The following AGBL4 variants were observed in gnomAD, a reference collection of about 807,000 sequenced individuals.
AGBL4 encodes the protein cytosolic carboxypeptidase 6.
A neutral mutation model predicts 66.4 loss-of-function variants in AGBL4; 58 were observed. The ratio of observed to expected loss-of-function variants is 0.87; its 90% confidence interval spans 0.71 to 1.09. AGBL4 has a LOEUF of 1.09. Among genes scored for constraint, AGBL4 ranks in the 50% least tolerant of loss-of-function variants. AGBL4 has a pLI of 0.00. For synonymous variants in AGBL4, 234 were observed against 222.9 expected, an observed-to-expected ratio of 1.05 and a Z score of -0.44; for missense variants, 579 against 631.0, an observed-to-expected ratio of 0.92 and a Z score of 0.88.
At chr1:49,894,731 A>G (rs935589111) in intron 1 of AGBL4, among the ~76,000 whole-genome samples, 1 of 152,178 alleles carries the variant, frequency 6.6e-6, no homozygotes, top group Non-Finnish European at 1.5e-5. Flanking sequence ...GATACAAAAG[A>G]AAAAAGAATA....
intron 11 of AGBL4, among the ~76,000 whole-genome samples, chr1:48,559,542 C>G (rs905837069): frequency 3.9e-5 from 6 of 152,318 alleles, no homozygotes; most frequent in African/African-American, 1.4e-4. Context: ...CAAGGATACA[C>G]AGACCTACTT....
At chr1:48,863,837 G>A (rs1277408406) in intron 6 of AGBL4, among the ~76,000 whole-genome samples, 2 of 152,024 alleles carry the variant, frequency 1.3e-5, no homozygotes, top group African/African-American at 4.8e-5. Context: ...CACAAAACTT[G>A]AGAAATTTTA....
chr1:49,274,441 C>T (rs754648279), intron 3 of AGBL4, among the ~76,000 whole-genome samples: 20 of 152,014 alleles, frequency 1.3e-4, no homozygotes, highest in Non-Finnish European at 2.5e-4. Context: ...AGATTACTAA[C>T]ATACTGATGT....
intron 3 of AGBL4, among the ~76,000 whole-genome samples, chr1:49,281,259 A>G (rs952549739): frequency 1.3e-5 from 2 of 152,234 alleles, no homozygotes; most frequent in African/African-American, 4.8e-5. Flanking sequence ...CAAAAAGAGT[A>G]CGAAAAAATT....
intron 3 of AGBL4, among the ~76,000 whole-genome samples, chr1:49,267,307 A>C (rs1643943764): frequency 6.6e-6 from 1 of 152,184 alleles, no homozygotes; most frequent in Admixed American, 6.5e-5. Flanking sequence ...AATCCTTCAC[A>C]TCTTTTGTAA....
At chr1:49,595,557 C>T (rs1211726902) in intron 3 of AGBL4, among the ~76,000 whole-genome samples, 1 of 151,322 alleles carries the variant, frequency 6.6e-6, no homozygotes, top group Non-Finnish European at 1.5e-5. Context: ...GGAAACATTG[C>T]TGTAGGGCTT....
chr1:48,574,506 TA>T (rs1043553398), intron 11 of AGBL4, among the ~76,000 whole-genome samples: 5 of 151,962 alleles, frequency 3.3e-5, no homozygotes, highest in African/African-American at 9.7e-5. Flanking sequence ...ATAAATACCA[TA>T]AAAATATGTA....
At chr1:49,947,065 A>T (rs1423283987) in intron 1 of AGBL4, among the ~76,000 whole-genome samples, 3 of 151,094 alleles carry the variant, frequency 2.0e-5, no homozygotes, top group African/African-American at 7.3e-5. Flanking sequence ...TGGTAATTAA[A>T]AAAAAAAGTT....
chr1:49,498,240 ATTTG>A (rs780279443), intron 3 of AGBL4, among the ~76,000 whole-genome samples: 1 of 151,932 alleles, frequency 6.6e-6, no homozygotes, highest in Non-Finnish European at 1.5e-5. Flanking sequence ...ACTCTACTGA[ATTTG>A]TTTATCAGAC....
chr1:48,700,314 G>C (rs1349508472), intron 6 of AGBL4, among the ~76,000 whole-genome samples: 2 of 152,196 alleles, frequency 1.3e-5, no homozygotes, highest in African/African-American at 2.4e-5. Flanking sequence ...ACAGTATCCT[G>C]TCCATGATGC....
chr1:49,076,202 G>A (rs1394707940), intron 4 of AGBL4, among the ~76,000 whole-genome samples: 1 of 152,018 alleles, frequency 6.6e-6, no homozygotes, highest in African/African-American at 2.4e-5. Context: ...GTATCTGTAG[G>A]GGATATGTTC....
At chr1:49,620,036 A>T (rs1006542698) in intron 3 of AGBL4, among the ~76,000 whole-genome samples, 3 of 152,214 alleles carry the variant, frequency 2.0e-5, no homozygotes, top group African/African-American at 7.2e-5. Context: ...ACACCTAGGC[A>T]ATACCATTCA....
In AGBL4 at chr1:49,767,802, GA is replaced by G. The variant is rs563619004; in HGVS notation, c.158-70366del. On this transcript the variant is annotated intron_variant, in intron 2 of 13. Coordinates refer to ENST00000371839, the MANE Select transcript of AGBL4 (RefSeq NM_032785.4). ...CAAAGAAATTAAAAAAAGACCCTCAGATACTATTATAAACATCTCTATGCAA... is the reference window on the plus strand; with the variant it reads ...CAAAGAAATTAAAAAAAGACCCTCAGTACTATTATAAACATCTCTATGCAA... Among the ~76,000 whole-genome samples the G allele has an allele frequency of 1.7e-3, 251 of 151,996 alleles. 1 individual carries two copies. Among genetic ancestry groups the G allele is most frequent in the Middle Eastern group, 0.01 (3 of 294 alleles).
intron 6 of AGBL4, among the ~76,000 whole-genome samples, chr1:48,766,366 C>T (rs1360804795): frequency 6.6e-6 from 1 of 152,148 alleles, no homozygotes; most frequent in Non-Finnish European, 1.5e-5. Context: ...CATGGTAGAG[C>T]CAGAATAAAT....
chr1:49,155,195 A>G (rs901203923), intron 4 of AGBL4, among the ~76,000 whole-genome samples: 1 of 152,170 alleles, frequency 6.6e-6, no homozygotes, highest in African/African-American at 2.4e-5. Flanking sequence ...ATAACCTCCA[A>G]TGTAGATAAT....
At chr1:48,848,132 C>T (rs138506528) in intron 6 of AGBL4, among the ~76,000 whole-genome samples, 1 of 152,196 alleles carries the variant, frequency 6.6e-6, no homozygotes, top group South Asian at 2.1e-4. Context: ...CCAGGGGACA[C>T]TGAGAAATCA....
At chr1:49,961,255 T>G (rs1435535144) in intron 1 of AGBL4, among the ~76,000 whole-genome samples, 1 of 152,124 alleles carries the variant, frequency 6.6e-6, no homozygotes, top group African/African-American at 2.4e-5. Context: ...ATGCTTGTAT[T>G]CCCAGCACTT....
At chr1:49,692,932 G>C (rs1321931985) in intron 3 of AGBL4, among the ~76,000 whole-genome samples, 1 of 152,104 alleles carries the variant, frequency 6.6e-6, no homozygotes, top group East Asian at 1.9e-4. Flanking sequence ...GGTAAAACAG[G>C]ATTGATGAAT....
At chr1:49,765,566 A>T (rs540557712) in intron 2 of AGBL4, among the ~76,000 whole-genome samples, 1 of 152,270 alleles carries the variant, frequency 6.6e-6, no homozygotes, top group South Asian at 2.1e-4. Flanking sequence ...CACCACCAAA[A>T]GATGACACTA....
Sources: allele counts gnomAD v4.1 joint callset (sites outside exome capture counted in the v4.1 genomes callset), GRCh38; gene constraint gnomAD v4.1.1; transcripts MANE v1.5; gene names NCBI Gene and HGNC (gene_info 2026-07-23, HGNC 2026-07-21).